PDE12: variants seen among roughly 807,000 people sequenced by gnomAD.
PDE12 encodes phosphodiesterase 12.
A neutral mutation model predicts 45.4 loss-of-function variants in PDE12; 26 were observed. The observed-to-expected ratio is 0.57, with a 90% confidence interval of 0.42 to 0.79. The LOEUF is 0.79. Ranked by LOEUF, PDE12 falls within the 30% of genes least tolerant of loss-of-function variation. The pLI is 0.00. For missense variants in PDE12, 668 were observed against 790.0 expected, an observed-to-expected ratio of 0.85 and a Z score of 1.85; for synonymous variants, 283 against 323.9, an observed-to-expected ratio of 0.87 and a Z score of 1.36.
chr3:57,613,900 C>CAAAAAAAAAAAAA, the PDE12 span, among the ~76,000 whole-genome samples: 1 of 59,454 alleles, frequency 1.7e-5, no homozygotes, highest in Non-Finnish European at 2.9e-5. Context: ...GACTCCATCT[C>CAAAAAAAAAAAAA]AAAAAAAAAA....
chr3:57,634,952 G>A, the PDE12 span, among the ~76,000 whole-genome samples: 1 of 152,046 alleles, frequency 6.6e-6, no homozygotes, highest in East Asian at 1.9e-4. Flanking sequence ...AAGAATACTG[G>A]ATTACTACAA....
chr3:57,612,393 T>TA, the PDE12 span, among the ~76,000 whole-genome samples: 1 of 151,596 alleles, frequency 6.6e-6, no homozygotes, highest in East Asian at 1.9e-4. Flanking sequence ...AGTATAATAA[T>TA]AAAAAAAGAT....
At chr3:57,630,263 C>A in the PDE12 span, 1 of 569,238 alleles carries the variant, frequency 1.8e-6, no homozygotes, top group Non-Finnish European at 2.9e-6. Context: ...TATATAAAGC[C>A]CCTATAATGT....
the PDE12 span, among the ~76,000 whole-genome samples, chr3:57,618,203 A>T: frequency 6.6e-6 from 1 of 152,306 alleles, no homozygotes; most frequent in Non-Finnish European, 1.5e-5. Context: ...TACTTCAGCG[A>T]TGGGATCCTT....
At position 57,557,644 on chromosome 3, in the gene PDE12, C is replaced by T; in HGVS notation, c.1265C>T (p.Pro422Leu). Residue 422 changes from proline (P) to leucine (L), a missense_variant, in exon 1 of 3, where the codon CCA becomes CTA. Physicochemically the swap from Pro to Leu is moderately conservative, Grantham distance 98 (BLOSUM62 -3). This residue lies in a region of PDE12 where 580 missense variants were observed against 662.9 expected (regional missense o/e 0.87). Transcript: ENST00000311180. ...CTGCTGGAGAAACTAGTTTTGTACC[C>T]ATCAGCGCAGGAGAAGGTGCTCCAG... ...KELLEKLVLY[P>L]SAQEKVLQRS... is the part of the protein sequence containing the mutation. 2 of 1,614,108 alleles carry T rather than the reference C, an allele frequency of 1.2e-6. No individual in the cohort carries two copies. Among genetic ancestry groups the T allele is most frequent in the Non-Finnish European group, 1.7e-6 (2 of 1,180,044 alleles).
At chr3:57,643,748 A>T in the PDE12 span, among the ~76,000 whole-genome samples, 2 of 149,786 alleles carry the variant, frequency 1.3e-5, no homozygotes, top group African/African-American at 4.9e-5. Flanking sequence ...AATCACTTGA[A>T]CCCAGGAGGT....
the PDE12 span, chr3:57,630,406 A>G: frequency 6.4e-7 from 1 of 1,568,474 alleles, no homozygotes. Context: ...TTACACAAAC[A>G]CACAGTTTTC....
rs748699405 is a variant in PDE12 at position 57,557,597 on chromosome 3, G to C, written c.1218G>C (p.Glu406Asp). The C allele has an allele frequency of 6.2e-7, 1 of 1,613,954 alleles. No individual in the cohort carries two copies. Among genetic ancestry groups the C allele is most frequent in the Non-Finnish European group, 8.5e-7 (1 of 1,180,038 alleles). ...ACATTTCATTCTACGAAGCCCTCGA[G>C]TCCGACCCACTTCACAAAGAACTGC... is the stretch of plus-strand genomic sequence containing the variant. ...QHDISFYEAL[E>D]SDPLHKELLE... The change falls in exon 1 of 3, where the codon GAG (glutamate) becomes GAC (aspartate). Residue 406 changes from glutamate (E) to aspartate (D), a missense_variant. This residue lies in a region of PDE12 where 580 missense variants were observed against 662.9 expected (regional missense o/e 0.87). Transcript: ENST00000311180.
At chr3:57,653,775 C>CCAAATTAACTG in the PDE12 span, among the ~76,000 whole-genome samples, 2 of 148,040 alleles carry the variant, frequency 1.4e-5, no homozygotes, top group South Asian at 4.2e-4. Context: ...GTAGCGTGCT[C>CCAAATTAACTG]CAAATTAACT....
At chr3:57,630,221 A>T in the PDE12 span, 1 of 483,406 alleles carries the variant, frequency 2.1e-6, no homozygotes, top group South Asian at 4.5e-5. Flanking sequence ...ACCTACCTCA[A>T]AGAATCATTG....
In PDE12 at chr3:57,565,919, A is replaced by G. The variant is rs1178607834; in HGVS notation, c.*5915A>G. On this transcript the variant is annotated 3_prime_UTR_variant, in exon 3 of 3. Coordinates refer to ENST00000311180, the MANE Select transcript of PDE12 (RefSeq NM_177966.7). ...AAGATAAAATCAGTTAGAAATAAACAGTGGCCTTCCTCAGAAAAGCTGGGC... is the reference window on the plus strand; with the variant it reads ...AAGATAAAATCAGTTAGAAATAAACGGTGGCCTTCCTCAGAAAAGCTGGGC... 2 of 152,214 alleles carry G rather than the reference A, an allele frequency of 1.3e-5. No homozygotes were observed. Among genetic ancestry groups the G allele is most frequent in the Non-Finnish European group, 2.9e-5 (2 of 68,024 alleles). 9.4% of individuals were successfully genotyped at this position (152,214 alleles called of 1,614,324 possible).
rs1408269289 is a variant in PDE12 at position 57,562,294 on chromosome 3, A to C, written c.*2290A>C. The C allele has an allele frequency of 5.9e-5, 10 of 168,738 alleles. No individual in the cohort carries two copies. The Admixed American group carries it at 6.5e-4, about 11-fold the overall frequency. The allele number at this position is 168,738 out of a possible 1,614,324, so 10.5% of individuals were successfully genotyped here. A position where few individuals can be genotyped will look rare whatever the true frequency, so the allele number is the denominator to read the frequency against. ...AGACATTCCATGTCCTATATCCTTAATTTTGATGTTTTCTGACTAAACAAT... is the reference window on the plus strand; with the variant it reads ...AGACATTCCATGTCCTATATCCTTACTTTTGATGTTTTCTGACTAAACAAT... On this transcript the variant is annotated 3_prime_UTR_variant, in exon 3 of 3. Transcript: ENST00000311180.
chr3:57,645,253 G>T, the PDE12 span, among the ~76,000 whole-genome samples: 1 of 151,998 alleles, frequency 6.6e-6, no homozygotes, highest in South Asian at 2.1e-4. Flanking sequence ...ACAAAGTCAG[G>T]AATTCGAGAT....
Position 57,560,719 on chromosome 3 carries a change from C to T in PDE12, c.*715C>T. On this transcript the variant is annotated 3_prime_UTR_variant, in exon 3 of 3. Transcript: ENST00000311180. ...GATCTTAATTTTTCTTTCATGACAA[C>T]ACATTCCAAAATGAATCATGCTTAT... The T allele has an allele frequency of 1.0e-6, 1 of 983,668 alleles. No homozygotes were observed. 60.9% of individuals were successfully genotyped at this position (983,668 alleles called of 1,614,324 possible).
At chr3:57,590,229 G>A in the PDE12 span, among the ~76,000 whole-genome samples, 1 of 152,052 alleles carries the variant, frequency 6.6e-6, no homozygotes, top group Non-Finnish European at 1.5e-5. Context: ...GCTCACACCT[G>A]TAATCCCAGC....
the PDE12 span, among the ~76,000 whole-genome samples, chr3:57,656,037 C>T: frequency 5.3e-5 from 8 of 152,166 alleles, no homozygotes; most frequent in African/African-American, 1.9e-4. Flanking sequence ...TCTTTTCATC[C>T]TAATAATGCC....
At chr3:57,633,084 TTG>T in the PDE12 span, among the ~76,000 whole-genome samples, 1 of 152,266 alleles carries the variant, frequency 6.6e-6, no homozygotes, top group Middle Eastern at 3.4e-3. Flanking sequence ...CTTACCAAAG[TTG>T]AACAGTTAAC....
At chr3:57,604,388 C>T in the PDE12 span, among the ~76,000 whole-genome samples, 2 of 151,880 alleles carry the variant, frequency 1.3e-5, no homozygotes, top group South Asian at 4.2e-4. Context: ...AAAATAATCA[C>T]CTAATGTTAA....
At chr3:57,643,565 C>T in the PDE12 span, among the ~76,000 whole-genome samples, 3 of 151,904 alleles carry the variant, frequency 2.0e-5, no homozygotes, top group Non-Finnish European at 2.9e-5. Flanking sequence ...CGGTGGCTCA[C>T]GTCTGTAATC....
Sources: gnomAD v4.1 joint callset for allele counts (sites outside exome capture counted in the v4.1 genomes callset) on GRCh38, gnomAD v4.1.1 for gene constraint, gnomAD v4.1.1 regional missense constraint, MANE v1.5 for transcripts, NCBI Gene and HGNC (gene_info 2026-07-23, HGNC 2026-07-21) for gene names.